Variants in MTAP observed in about 807,000 individuals in gnomAD.
MTAP encodes the protein methylthioadenosine phosphorylase.
In MTAP, 33 loss-of-function variants were observed where a neutral mutation model predicts 33.6. The ratio of observed to expected loss-of-function variants is 0.98; its 90% CI spans 0.74 to 1.31. MTAP has a LOEUF of 1.31. Ranked by LOEUF, MTAP falls within the 40% of genes most tolerant of loss-of-function variation. MTAP has a pLI of 0.00. For synonymous variants in MTAP, 148 were observed against 125.7 expected (o/e 1.18, Z -1.19); for missense variants, 367 against 360.0 (o/e 1.02, Z -0.16).
intron 4 of MTAP, among the ~76,000 whole-genome samples, chr9:21,820,361 G>A (rs1219214256): frequency 1.3e-5 from 2 of 152,148 alleles, no homozygotes; most frequent in Admixed American, 1.3e-4. Context: ...TTCTACACAT[G>A]GCTAGCCAGT....
At chr9:21,829,141 C>G (rs1418996609) in intron 4 of MTAP, among the ~76,000 whole-genome samples, 1 of 152,188 alleles carries the variant, frequency 6.6e-6, no homozygotes, top group Non-Finnish European at 1.5e-5. Flanking sequence ...CCTCCACTTG[C>G]TGATGGCATC....
At position 21,809,742 on chromosome 9, in the gene MTAP, G is replaced by A. The variant is rs75427511; in HGVS notation, c.34-5691G>A. 1.1e-4 allele frequency among the ~76,000 whole-genome samples: 16 copies of A among 152,306 alleles called. No individual in the cohort carries two copies. The East Asian group carries it at 2.5e-3, about 24-fold the overall frequency. On this transcript the variant is annotated intron_variant, in intron 1 of 7. Transcript: ENST00000644715. ...CTGCGGAGCTTTAAAAACAAACTAC[G>A]CCTTGCCCAACTAATCAGAATCCCT...
intron 1 of MTAP, among the ~76,000 whole-genome samples, chr9:21,877,672 A>G (rs534003359): frequency 1.3e-5 from 2 of 152,286 alleles, no homozygotes; most frequent in South Asian, 4.1e-4. Flanking sequence ...ATTGATTTAC[A>G]TATGTTGAAC....
At chr9:21,840,515 T>G (rs1276824497) in intron 5 of MTAP, among the ~76,000 whole-genome samples, 1 of 152,340 alleles carries the variant, frequency 6.6e-6, no homozygotes, top group South Asian at 2.1e-4. Context: ...AATTTAACCT[T>G]ACCTAGAGGT....
rs753128943 is a variant in MTAP at position 21,845,521 on chromosome 9, A to G, written c.450+7511A>G. ...AACACTGCTGAAAGAAATTATAGAT[A>G]ATACAAAAAAATGGAAACATACCAT... On this transcript the variant is annotated intron_variant, in intron 5 of 7. Coordinates refer to ENST00000644715, the MANE Select transcript of MTAP (RefSeq NM_002451.4). Among the ~76,000 whole-genome samples the G allele has an allele frequency of 3.3e-5, 5 of 152,206 alleles. No individual in the cohort carries two copies. In the East Asian group the frequency reaches 7.7e-4, roughly 23 times the overall value.
intron 6 of MTAP, chr9:21,856,287 C>A: frequency 3.9e-6 from 2 of 516,056 alleles, no homozygotes; most frequent in Non-Finnish European, 5.0e-6. Context: ...GTTTTACTAT[C>A]TAATGTGTAC....
intron 1 of MTAP, among the ~76,000 whole-genome samples, chr9:21,804,230 G>C (rs1194732571): frequency 6.6e-6 from 1 of 152,162 alleles, no homozygotes; most frequent in Non-Finnish European, 1.5e-5. Flanking sequence ...AATTTTGAAT[G>C]ATCTTTTCCC....
intron 5 of MTAP, among the ~76,000 whole-genome samples, chr9:21,850,274 C>T (rs1177270587): frequency 6.6e-6 from 1 of 152,154 alleles, no homozygotes; most frequent in Non-Finnish European, 1.5e-5. Flanking sequence ...TGGAGATACT[C>T]CTTCTAAGGT....
At chr9:21,833,113 C>T (rs1208700284) in intron 4 of MTAP, among the ~76,000 whole-genome samples, 2 of 152,152 alleles carry the variant, frequency 1.3e-5, no homozygotes, top group African/African-American at 2.4e-5. Context: ...TTCATGCCAC[C>T]ACAAGCACTC....
intron 1 of MTAP, among the ~76,000 whole-genome samples, chr9:21,917,949 A>G (rs1050312762): frequency 2.6e-5 from 4 of 152,234 alleles, no homozygotes; most frequent in Non-Finnish European, 5.9e-5. Context: ...GGCAACTTGG[A>G]TAGAGCTGGA....
At chr9:21,812,218 G>A in intron 1 of MTAP, 1 of 219,286 alleles carries the variant, frequency 4.6e-6, no homozygotes, top group Non-Finnish European at 9.3e-6. Flanking sequence ...GCATTGAGTT[G>A]GCCAGGGAAA....
rs1294507183 is a variant in MTAP at position 21,865,510 on chromosome 9, A to G, written c.*3496A>G. 8.1e-6 allele frequency: 8 copies of G among 985,496 alleles called. No homozygotes were observed. Among genetic ancestry groups the G allele is most frequent in the African/African-American group, 3.5e-5 (2 of 57,264 alleles). 61.0% of individuals were successfully genotyped at this position (985,496 alleles called of 1,614,324 possible). The stretch of plus-strand genomic sequence containing the variant: ...GTGTGCACACAATCTGGCTCAATGT[A>G]TATATTGGCCCAGCAAGGCAAAGAA... On this transcript the variant is annotated 3_prime_UTR_variant, in exon 8 of 8. Transcript: ENST00000644715.
Position 21,864,929 on chromosome 9 carries a change from G to A in MTAP, c.*2915G>A, listed in dbSNP as rs971288802. 3.0e-6 allele frequency: 3 copies of A among 985,298 alleles called. No individual in the cohort carries two copies. The highest frequency in any genetic ancestry group is 3.6e-6 in the Non-Finnish European group (3 of 829,942). 61.0% of individuals were successfully genotyped at this position (985,298 alleles called of 1,614,324 possible). ...ATAATTATTCATTCTTGTGACAGTG[G>A]CCTGAACATGTTTTTAATTTTCTCA... On this transcript the variant is annotated 3_prime_UTR_variant, in exon 8 of 8. Transcript: ENST00000644715.
At chr9:21,934,357 C>T (rs915454853), downstream of MTAP, 4 of 152,180 alleles carry the variant, frequency 2.6e-5, no homozygotes, top group African/African-American at 4.8e-5. This position sits in a 1 kb window ranked among gnomAD's most constrained non-coding sequence, Gnocchi z 5.0. Flanking sequence ...TATAGAAGTA[C>T]GGAGTCCTTC....
intron 1 of MTAP, among the ~76,000 whole-genome samples, chr9:21,881,604 A>G (rs1271589090): frequency 6.6e-6 from 1 of 152,100 alleles, no homozygotes; most frequent in Non-Finnish European, 1.5e-5. Context: ...CAATGATGAT[A>G]GCAAATAACC....
intron 1 of MTAP, among the ~76,000 whole-genome samples, chr9:21,897,522 C>T (rs1256029236): frequency 5.3e-5 from 8 of 152,212 alleles, no homozygotes; most frequent in African/African-American, 1.4e-4. Flanking sequence ...TGATAAGTAA[C>T]TTCAGCAAAG....
At chr9:21,918,611 A>G (rs1360222666) in intron 1 of MTAP, among the ~76,000 whole-genome samples, 1 of 152,138 alleles carries the variant, frequency 6.6e-6, no homozygotes. Context: ...TCTCATTTGT[A>G]TTTTAGCCCC....
At chr9:21,893,572 C>T (rs1296805164) in intron 1 of MTAP, 1 of 151,986 alleles carries the variant, frequency 6.6e-6, no homozygotes, top group Non-Finnish European at 1.5e-5. Flanking sequence ...AGGGACATTA[C>T]CATCAACCCC....
intron 4 of MTAP, among the ~76,000 whole-genome samples, chr9:21,829,603 C>T (rs757059107): frequency 2.6e-5 from 4 of 151,124 alleles, no homozygotes; most frequent in African/African-American, 9.8e-5. Flanking sequence ...GGCCTATTGC[C>T]GTAAGTTTGT....
Sources: allele counts gnomAD v4.1 joint callset (sites outside exome capture counted in the v4.1 genomes callset), GRCh38; gene constraint gnomAD v4.1.1; non-coding constraint Gnocchi (gnomAD v3.1); transcripts MANE v1.5; gene names NCBI Gene and HGNC (gene_info 2026-07-23, HGNC 2026-07-21).